The following GTF2F2 variants were observed in gnomAD, a reference collection of about 807,000 sequenced individuals.
GTF2F2 encodes the protein ATP-dependent helicase GTF2F2.
In GTF2F2, 23 loss-of-function variants were observed where a neutral mutation model predicts 42.2. That is an observed-to-expected ratio of 0.55 (90% CI 0.39 to 0.77). The LOEUF (loss-of-function observed/expected upper bound fraction) is 0.77, where lower values mean the gene tolerates loss of function less well. GTF2F2 is among the 30% of genes least tolerant of loss of function. The pLI, the probability that GTF2F2 is intolerant of heterozygous loss-of-function variation, is 0.00. For synonymous variants in GTF2F2, 105 were observed against 100.8 expected (o/e 1.04, Z -0.25); for missense variants, 261 against 287.2 (o/e 0.91, Z 0.66).
intron 5 of GTF2F2, among the ~76,000 whole-genome samples, chr13:45,215,834 C>CT (rs1873865096): frequency 6.6e-6 from 1 of 152,078 alleles, no homozygotes; most frequent in Non-Finnish European, 1.5e-5. Context: ...AGATCACCCT[C>CT]TTTCCTCTGA....
At chr13:45,269,282 A>G (rs1876691326) in intron 7 of GTF2F2, among the ~76,000 whole-genome samples, 1 of 152,204 alleles carries the variant, frequency 6.6e-6, no homozygotes, top group Non-Finnish European at 1.5e-5. Flanking sequence ...TCAGTCTCCA[A>G]GGGCCACCAT....
intron 6 of GTF2F2, among the ~76,000 whole-genome samples, chr13:45,264,342 C>G (rs1458633028): frequency 2.0e-5 from 3 of 150,730 alleles, no homozygotes; most frequent in Admixed American, 2.0e-4. Flanking sequence ...AGTGTAGTGG[C>G]ACGATCTTGG....
In GTF2F2 at chr13:45,149,775, A is replaced by G; in HGVS notation, c.146A>G (p.Gln49Arg). Residue 49 changes from glutamine to arginine, a missense_variant, in exon 3 of 8, where the codon CAA becomes CGA. Gln to Arg is a conservative substitution (Grantham distance 43). Coordinates refer to ENST00000340473, the MANE Select transcript of GTF2F2 (RefSeq NM_004128.3). ...TTTCTTTTCCTCTCCTTTAGGACTC[A>G]AGGAAGGACTGAGGTAAGATTATTT... ...EVGKLRIAKTQGRTEVSFTLN... is the reference protein window; with the variant it reads ...EVGKLRIAKTRGRTEVSFTLN... The G allele has an allele frequency of 6.6e-7, 1 of 1,510,212 alleles. No homozygotes were observed. The highest frequency in any genetic ancestry group is 8.9e-7 in the Non-Finnish European group (1 of 1,122,306). The allele number at this position is 1,510,212 out of a possible 1,614,324, so 93.6% of individuals were successfully genotyped here.
chr13:45,166,248 T>C (rs1871293248), intron 4 of GTF2F2, among the ~76,000 whole-genome samples: 1 of 152,230 alleles, frequency 6.6e-6, no homozygotes, highest in Non-Finnish European at 1.5e-5. Flanking sequence ...GATGCTTAAA[T>C]TTCAGTGTTT....
chr13:45,126,933 TA>T (rs1199365280), intron 1 of GTF2F2, among the ~76,000 whole-genome samples: 1 of 152,220 alleles, frequency 6.6e-6, no homozygotes, highest in Non-Finnish European at 1.5e-5. Context: ...TTGTACTTAT[TA>T]CCTTGTCTCC....
At chr13:45,200,665 GA>G (rs1238272618) in intron 4 of GTF2F2, among the ~76,000 whole-genome samples, 4 of 152,068 alleles carry the variant, frequency 2.6e-5, no homozygotes, top group African/African-American at 9.7e-5. Flanking sequence ...ATAATACAGG[GA>G]TAGAAAGTTT....
At chr13:45,245,545 A>G (rs1020159508) in intron 5 of GTF2F2, among the ~76,000 whole-genome samples, 2 of 151,860 alleles carry the variant, frequency 1.3e-5, no homozygotes, top group African/African-American at 4.8e-5. Flanking sequence ...GAGAACATAC[A>G]ATGTTTGGTT....
chr13:45,191,224 A>AAATATATATATATATATATAT, intron 4 of GTF2F2, among the ~76,000 whole-genome samples: 17 of 75,308 alleles, frequency 2.3e-4, no homozygotes, highest in African/African-American at 1.7e-3. Context: ...ACAAAAAAAA[A>AAATATATATATATATATATAT]ATATATATAT....
chr13:45,168,352 G>A (rs370088260), intron 4 of GTF2F2, among the ~76,000 whole-genome samples: 1 of 152,248 alleles, frequency 6.6e-6, no homozygotes, highest in African/African-American at 2.4e-5. Context: ...CTGCCTGCCT[G>A]GAGGGCAGGC....
At chr13:45,256,927 C>G (rs1466327398) in intron 6 of GTF2F2, among the ~76,000 whole-genome samples, 1 of 151,430 alleles carries the variant, frequency 6.6e-6, no homozygotes, top group Non-Finnish European at 1.5e-5. Context: ...AATAAAAATT[C>G]AAAAAAAATT....
chr13:45,136,937 T>A (rs1869658079), intron 2 of GTF2F2, 131 bp downstream of exon 2: 2 of 625,168 alleles, frequency 3.2e-6, no homozygotes, highest in South Asian at 3.9e-5. Context: ...TGTCAAGGCT[T>A]GTCAGGAGAT....
chr13:45,180,368 C>T (rs918128054), intron 4 of GTF2F2, among the ~76,000 whole-genome samples: 1 of 152,084 alleles, frequency 6.6e-6, no homozygotes, highest in Admixed American at 6.5e-5. Flanking sequence ...GAATTTTAGT[C>T]TATACTATAG....
At chr13:45,283,178 G>T (rs1444765019) in intron 7 of GTF2F2, among the ~76,000 whole-genome samples, 1 of 151,754 alleles carries the variant, frequency 6.6e-6, no homozygotes, top group Non-Finnish European at 1.5e-5. Context: ...TGTTTTTTTT[G>T]TTTGTTTGTT....
At chr13:45,125,281 T>G (rs1391135429) in intron 1 of GTF2F2, among the ~76,000 whole-genome samples, 2 of 152,296 alleles carry the variant, frequency 1.3e-5, no homozygotes, top group East Asian at 3.9e-4. Context: ...ATAGAAATTT[T>G]TTTTCCCCTT....
chr13:45,138,197 C>T (rs535847566), intron 2 of GTF2F2, among the ~76,000 whole-genome samples: 1 of 152,256 alleles, frequency 6.6e-6, no homozygotes, highest in Admixed American at 6.5e-5. Flanking sequence ...GTTATGTGAC[C>T]CCAGGACTCA....
chr13:45,272,570 C>G (rs920277424), intron 7 of GTF2F2, among the ~76,000 whole-genome samples: 1 of 151,248 alleles, frequency 6.6e-6, no homozygotes, highest in Non-Finnish European at 1.5e-5. Context: ...TGGTGAAACC[C>G]CAACTCTACA....
chr13:45,207,319 G>C (rs534737484), intron 4 of GTF2F2, 105 bp from the exon 5 acceptor site: 1 of 659,850 alleles, frequency 1.5e-6, no homozygotes, highest in South Asian at 2.0e-5. Flanking sequence ...CTTGATTTTT[G>C]ATATTAATTA....
chr13:45,150,835 C>T (rs1267238351), intron 3 of GTF2F2, among the ~76,000 whole-genome samples: 2 of 151,942 alleles, frequency 1.3e-5, no homozygotes, highest in East Asian at 1.9e-4. Context: ...TGAACCACTG[C>T]GCCCAGCCAG....
intron 4 of GTF2F2, among the ~76,000 whole-genome samples, chr13:45,179,733 T>A (rs1344797052): frequency 6.6e-6 from 1 of 152,186 alleles, no homozygotes; most frequent in Non-Finnish European, 1.5e-5. Context: ...TATCTTGTGG[T>A]CTTTTTGATA....
Sources: gnomAD v4.1 joint callset for allele counts (sites outside exome capture counted in the v4.1 genomes callset) on GRCh38, gnomAD v4.1.1 for gene constraint, MANE v1.5 for transcripts, NCBI Gene and HGNC (gene_info 2026-07-23, HGNC 2026-07-21) for gene names.